The following ZNF662 variants were observed in gnomAD, a reference collection of about 807,000 sequenced individuals.
The protein encoded by ZNF662 is zinc finger protein 662.
In ZNF662, 14 loss-of-function variants were observed where a neutral mutation model predicts 12.4. The observed-to-expected ratio is 1.13, with a 90% CI of 0.75 to 1.77. The LOEUF (loss-of-function observed/expected upper bound fraction) is 1.77. ZNF662 is among the 40% of genes most tolerant of loss of function. ZNF662 has a pLI of 0.00. For missense variants in ZNF662, 550 were observed against 515.6 expected (o/e 1.07, Z -0.65); for synonymous variants, 184 against 176.4 (o/e 1.04, Z -0.34).
chr3:42,915,108 A>G lies in ZNF662; in HGVS notation c.1035A>G (p.Ser345=). The G allele has an allele frequency of 2.5e-6, 4 of 1,614,122 alleles. No homozygotes were observed. Among genetic ancestry groups the G allele is most frequent in the Non-Finnish European group, 3.4e-6 (4 of 1,180,000 alleles). ...GTGGGAAGGGCTTCATGTGGAACTC[A>G]GATCTTTCTCAGCACCAGAGGGTCC... is the stretch of plus-strand genomic sequence containing the variant. The part of the protein sequence containing the change: ...KDCGKGFMWN[S]DLSQHQRVHT... Residue 345 remains serine (S), a synonymous_variant, in exon 5 of 5, where the codon TCA becomes TCG. Coordinates refer to ENST00000440367, the MANE Select transcript of ZNF662 (RefSeq NM_207404.4).
In ZNF662 at chr3:42,906,434, C is replaced by T. The variant is rs1334104943; in HGVS notation, c.-94+266C>T. 8 of 1,466,600 alleles carry T rather than the reference C, an allele frequency of 5.5e-6. No homozygotes were observed. Among genetic ancestry groups the T allele is most frequent in the Non-Finnish European group, 7.2e-6 (8 of 1,113,754 alleles). 90.8% of individuals were successfully genotyped at this position (1,466,600 alleles called of 1,614,324 possible). A position where few individuals can be genotyped will look rare whatever the true frequency, so the allele number is the denominator to read the frequency against. The stretch of plus-strand genomic sequence containing the variant: ...CCGGGACAGCCCGCGCTGCCCCGGG[C>T]GCGCCGGGTGAGTGCGGGGCCGGAG... On this transcript the variant is annotated intron_variant, in intron 1 of 4. Transcript: ENST00000440367. This position sits in a 1 kb window ranked among gnomAD's most constrained non-coding sequence, Gnocchi z 4.4.
At chr3:42,912,501 A>ATG (rs150809642) in intron 3 of ZNF662, among the ~76,000 whole-genome samples, 1 of 96,116 alleles carries the variant, frequency 1.0e-5, no homozygotes, top group Non-Finnish European at 1.8e-5. Flanking sequence ...ATATTTATAT[A>ATG]TTATATATTT....
At position 42,915,688 on chromosome 3, in the gene ZNF662, G is replaced by C. The variant is rs776644279; in HGVS notation, c.*334G>C. The C allele has an allele frequency of 9.2e-6, 2 of 216,272 alleles. No individual in the cohort carries two copies. Among genetic ancestry groups the C allele is most frequent in the East Asian group, 1.0e-4 (1 of 9,948 alleles). 13.4% of individuals were successfully genotyped at this position (216,272 alleles called of 1,614,324 possible). On this transcript the variant is annotated 3_prime_UTR_variant, in exon 5 of 5. Coordinates refer to ENST00000440367, the MANE Select transcript of ZNF662 (RefSeq NM_207404.4). ...GAAAGAGGTTATAAAACTCATTCAG[G>C]GTTGCTCAGTTAGTAAGTTATAGAG... is the stretch of plus-strand genomic sequence containing the variant.
rs1383900451 is a variant in ZNF662, at chr3:42,915,241, T to G, written c.1168T>G (p.Cys390Gly). ...CCATACTGGGGAAAGACCCTATAAA[T>G]GTAATGACTGTGGGAAGGCCTTCAG... Reference protein sequence around the residue: ...RIHTGERPYKCNDCGKAFSQN... With the variant: ...RIHTGERPYKGNDCGKAFSQN... The change falls in exon 5 of 5, where the codon TGT becomes GGT. Residue 390 changes from cysteine (C) to glycine (G), a missense_variant. Physicochemically the swap from Cys to Gly is radical, Grantham distance 159. Coordinates refer to ENST00000440367, the MANE Select transcript of ZNF662 (RefSeq NM_207404.4). The G allele has an allele frequency of 6.2e-7, 1 of 1,609,884 alleles. No individual in the cohort carries two copies. The highest frequency in any genetic ancestry group is 2.2e-5 in the East Asian group (1 of 44,896).
chr3:42,912,579 ATATATAAATATATT>A (rs1238723874), intron 3 of ZNF662, among the ~76,000 whole-genome samples: 2 of 9,616 alleles, frequency 2.1e-4, no homozygotes, highest in Non-Finnish European at 9.8e-4. Context: ...TACATATTTT[ATATATAAATATATT>A]TATATAAAAT....
chr3:42,917,478 A>G lies in ZNF662; in HGVS notation c.*2124A>G, dbSNP rs1229161317. On this transcript the variant is annotated 3_prime_UTR_variant, in exon 5 of 5. Coordinates refer to ENST00000440367, the MANE Select transcript of ZNF662 (RefSeq NM_207404.4). ...GATTCTCAAGCTTCCAGGTGCTACCATATGGAGCCTAAGGATAAAGCCAAT... is the reference window on the plus strand; with the variant it reads ...GATTCTCAAGCTTCCAGGTGCTACCGTATGGAGCCTAAGGATAAAGCCAAT... 2.9e-6 allele frequency: 2 copies of G among 699,418 alleles called. No homozygotes were observed. Among genetic ancestry groups the G allele is most frequent in the East Asian group, 5.4e-5 (2 of 37,264 alleles). 43.3% of individuals were successfully genotyped at this position (699,418 alleles called of 1,614,324 possible).
intron 3 of ZNF662, among the ~76,000 whole-genome samples, chr3:42,912,395 AT>A (rs1333238111): frequency 3.0e-5 from 3 of 98,622 alleles, no homozygotes; most frequent in East Asian, 2.8e-4. Flanking sequence ...TATAATATAT[AT>A]TTATATATTA....
Position 42,914,360 on chromosome 3 carries a change from T to C in ZNF662, c.287T>C (p.Ile96Thr). ...TTGAAGAGGAAGAAAGAAGATTTTA[T>C]TCTGAAGGAGGAAATTATTGAGGAA... is the stretch of plus-strand genomic sequence containing the variant. ...GVLKRKKEDFILKEEIIEEAQ... is the reference protein window; with the variant it reads ...GVLKRKKEDFTLKEEIIEEAQ... Residue 96 changes from isoleucine to threonine, a missense_variant, in exon 5 of 5, where the codon ATT (isoleucine) becomes ACT (threonine). Ile to Thr is a moderately conservative substitution (Grantham distance 89). Coordinates refer to ENST00000440367, the MANE Select transcript of ZNF662 (RefSeq NM_207404.4). 1 of 1,606,062 alleles carries C rather than the reference T, an allele frequency of 6.2e-7. No individual in the cohort carries two copies. Among genetic ancestry groups the C allele is most frequent in the Non-Finnish European group, 8.5e-7 (1 of 1,177,940 alleles).
Position 42,912,651 on chromosome 3 carries a change from T to G in ZNF662, c.152-550T>G, listed in dbSNP as rs1262822532. ...TATATTTATATATTTTATATATATA[T>G]AAATATATATATATATTTTTTATAT... On this transcript the variant is annotated intron_variant, in intron 3 of 4. Coordinates refer to ENST00000440367, the MANE Select transcript of ZNF662 (RefSeq NM_207404.4). Among the ~76,000 whole-genome samples the G allele has an allele frequency of 2.0e-3, 153 of 75,614 alleles. 1 individual carries two copies. Among genetic ancestry groups the G allele is most frequent in the Non-Finnish European group, 3.2e-3 (133 of 42,018 alleles). 49.6% of individuals were successfully genotyped at this position (75,614 alleles called of 152,430 possible). A position where few individuals can be genotyped will look rare whatever the true frequency, so the allele number is the denominator to read the frequency against.
chr3:42,908,102 G>A lies in ZNF662; in HGVS notation c.-13G>A, dbSNP rs1391367777. ...GCCTGGGCCCTGCTCAGAGAGCCCTGTACAGGGATGTGATGCTGGAGAATT... is the reference window on the plus strand; with the variant it reads ...GCCTGGGCCCTGCTCAGAGAGCCCTATACAGGGATGTGATGCTGGAGAATT... On this transcript the variant is annotated 5_prime_UTR_variant, in exon 2 of 5. Coordinates refer to ENST00000440367, the MANE Select transcript of ZNF662 (RefSeq NM_207404.4). The A allele has an allele frequency of 1.2e-6, 2 of 1,614,184 alleles. No homozygotes were observed. The highest frequency in any genetic ancestry group is 1.7e-5 in the Admixed American group (1 of 60,038).
intron 4 of ZNF662, among the ~76,000 whole-genome samples, chr3:42,913,606 C>T (rs2088858405): frequency 6.6e-6 from 1 of 152,082 alleles, no homozygotes; most frequent in African/African-American, 2.4e-5. Context: ...GTATTTTACT[C>T]ATTGTGTTAG....
In ZNF662 at chr3:42,917,639, C is replaced by T. The variant is rs983007842; in HGVS notation, c.*2285C>T. The stretch of plus-strand genomic sequence containing the variant: ...TGTGAGCCAATAAACATCTGTCAAA[C>T]GAGTTAGAGTTGAGTTTTCTGTTAT... On this transcript the variant is annotated 3_prime_UTR_variant, in exon 5 of 5. Coordinates refer to ENST00000440367, the MANE Select transcript of ZNF662 (RefSeq NM_207404.4). The T allele has an allele frequency of 3.8e-5, 26 of 681,468 alleles. No individual in the cohort carries two copies. The highest frequency in any genetic ancestry group is 5.5e-5 in the Non-Finnish European group (21 of 378,694). 42.2% of individuals were successfully genotyped at this position (681,468 alleles called of 1,614,324 possible). A position where few individuals can be genotyped will look rare whatever the true frequency, so the allele number is the denominator to read the frequency against.
At chr3:42,913,917 A>T (rs1030293137) in intron 4 of ZNF662, among the ~76,000 whole-genome samples, 1 of 152,032 alleles carries the variant, frequency 6.6e-6, no homozygotes, top group African/African-American at 2.4e-5. Context: ...TGTCTGCTGC[A>T]TGTGACAAGC....
chr3:42,912,631 T>TATTTTATATATATATAAATATA (rs1312990840), intron 3 of ZNF662, among the ~76,000 whole-genome samples: 55 of 57,282 alleles, frequency 9.6e-4, no homozygotes, highest in Non-Finnish European at 1.1e-3. Context: ...AAATATATAT[T>TATTTTATATATATATAAATATA]TATATATTTT....
chr3:42,908,971 CATAG>C (rs1470707188), intron 3 of ZNF662, 62 bp downstream of exon 3: 3 of 1,162,382 alleles, frequency 2.6e-6, no homozygotes, highest in Non-Finnish European at 3.8e-6. Context: ...TTTAAAATGT[CATAG>C]ATAGGTGTTT....
intron 2 of ZNF662, 178 bp from the exon 3 acceptor site, chr3:42,908,615 A>G (rs1402662474): frequency 7.6e-6 from 11 of 1,450,836 alleles, no homozygotes; most frequent in Middle Eastern, 2.6e-4. Context: ...CAACTTCCTG[A>G]CCTTTGTAAG....
chr3:42,918,485 T>C lies in ZNF662; in HGVS notation c.*3131T>C, dbSNP rs981196039. Reference sequence around the variant, plus strand: ...CAGGCAGGCCCTTAGTCTGAGCCACTCCACATTATTTCCCTTACTGTGTAT... The same window carrying C: ...CAGGCAGGCCCTTAGTCTGAGCCACCCCACATTATTTCCCTTACTGTGTAT... On this transcript the variant is annotated 3_prime_UTR_variant, in exon 5 of 5. Transcript: ENST00000440367. Among the ~76,000 whole-genome samples, 5 of 152,152 alleles carry C rather than the reference T, an allele frequency of 3.3e-5. No individual in the cohort carries two copies. Among genetic ancestry groups the C allele is most frequent in the Admixed American group, 3.3e-4 (5 of 15,276 alleles).
At chr3:42,911,559 A>C (rs1397514036) in intron 3 of ZNF662, among the ~76,000 whole-genome samples, 1 of 152,194 alleles carries the variant, frequency 6.6e-6, no homozygotes, top group Admixed American at 6.5e-5. Context: ...TGGCACATAC[A>C]TGTCCCTACT....
chr3:42,915,331 ATC>A lies in ZNF662; in HGVS notation c.1263_1264del (p.His422ProfsTer3). The A allele has an allele frequency of 1.3e-6, 2 of 1,581,390 alleles. No homozygotes were observed. The highest frequency in any genetic ancestry group is 1.7e-4 in the Middle Eastern group (1 of 5,862). On this transcript the variant is annotated frameshift_variant, in exon 5 of 5. Coordinates refer to ENST00000440367, the MANE Select transcript of ZNF662 (RefSeq NM_207404.4). LOFTEE classifies it high-confidence loss of function. ...TAGAGACAAACCCTATAACTGTCAG[ATC>A]TCTCACCTTCTTGAACATTAGAGAG... ...HARDKPYNCQ[I>X]SHLLEH
Sources: allele counts gnomAD v4.1 joint callset (sites outside exome capture counted in the v4.1 genomes callset), GRCh38; gene constraint gnomAD v4.1.1; non-coding constraint Gnocchi (gnomAD v3.1); transcripts MANE v1.5; gene names NCBI Gene and HGNC (gene_info 2026-07-23, HGNC 2026-07-21).